Variants in CSMD1 observed in about 807,000 individuals in gnomAD.
CSMD1 encodes CUB and sushi domain-containing protein 1.
A neutral mutation model predicts 417.5 loss-of-function variants in CSMD1; 213 were observed. That is an observed-to-expected ratio of 0.51 (90% CI 0.46 to 0.57). CSMD1 has a LOEUF of 0.57. Among genes scored for constraint, CSMD1 ranks in the 20% least tolerant of loss-of-function variants. The pLI, the probability that CSMD1 is intolerant of heterozygous loss-of-function variation, is 0.00. For missense variants in CSMD1, 6,923 were observed against 4,529.7 expected (o/e 1.53, Z -15.17); for synonymous variants, 2,862 against 1,736.8 (o/e 1.65, Z -16.11).
chr8:4,207,485 T>C (rs755341164), intron 3 of CSMD1, among the ~76,000 whole-genome samples: 4 of 152,178 alleles, frequency 2.6e-5, no homozygotes, highest in Non-Finnish European at 5.9e-5. Context: ...CCGATTAAAA[T>C]GTCTTATTCA....
intron 17 of CSMD1, among the ~76,000 whole-genome samples, chr8:3,393,847 G>C (rs534251872): frequency 1.3e-5 from 2 of 151,204 alleles, no homozygotes; most frequent in East Asian, 3.9e-4. Context: ...TGTGGGGTGT[G>C]GGGAGGGGGC....
chr8:4,806,254 T>G (rs1440752435), intron 1 of CSMD1, among the ~76,000 whole-genome samples: 2 of 152,146 alleles, frequency 1.3e-5, no homozygotes, highest in Admixed American at 1.3e-4. Flanking sequence ...GATCATGCAG[T>G]GTGCACATGC....
At chr8:3,382,534 T>C (rs954767472) in intron 18 of CSMD1, among the ~76,000 whole-genome samples, 1 of 120,132 alleles carries the variant, frequency 8.3e-6, no homozygotes, top group African/African-American at 3.1e-5. Flanking sequence ...TATATAAATA[T>C]ATATTTATTA....
intron 5 of CSMD1, among the ~76,000 whole-genome samples, chr8:3,902,451 C>G (rs887231205): frequency 1.3e-5 from 2 of 150,842 alleles, no homozygotes; most frequent in Admixed American, 6.6e-5. Flanking sequence ...TCATGAAAGA[C>G]ATTTTTTTTT....
chr8:4,042,000 G>A (rs955058160), intron 3 of CSMD1, among the ~76,000 whole-genome samples: 25 of 152,028 alleles, frequency 1.6e-4, no homozygotes, highest in African/African-American at 5.8e-4. Flanking sequence ...CAAAAACAAA[G>A]CAAAACTAAG....
intron 11 of CSMD1, among the ~76,000 whole-genome samples, chr8:3,490,810 G>A (rs1201005175): frequency 5.3e-5 from 8 of 152,004 alleles, no homozygotes; most frequent in Admixed American, 5.2e-4. Flanking sequence ...TTAGAAGCTT[G>A]CCCAAAATAT....
At chr8:4,213,075 T>G (rs1314357402) in intron 3 of CSMD1, among the ~76,000 whole-genome samples, 1 of 152,130 alleles carries the variant, frequency 6.6e-6, no homozygotes, top group African/African-American at 2.4e-5. Flanking sequence ...AGCTAATGTC[T>G]AAGATGGAAG....
At chr8:3,297,526 C>T (rs886840749) in intron 25 of CSMD1, among the ~76,000 whole-genome samples, 15 of 152,034 alleles carry the variant, frequency 9.9e-5, no homozygotes, top group African/African-American at 1.9e-4. Flanking sequence ...ATCTAGTTGT[C>T]TCGTTAATTA....
intron 5 of CSMD1, among the ~76,000 whole-genome samples, chr8:3,815,686 T>A (rs1447310744): frequency 1.3e-5 from 2 of 151,746 alleles, no homozygotes; most frequent in Non-Finnish European, 2.9e-5. Flanking sequence ...CTCTTATCAA[T>A]GATGGTGACT....
At chr8:3,550,747 G>A (rs1204647739) in intron 10 of CSMD1, among the ~76,000 whole-genome samples, 4 of 152,134 alleles carry the variant, frequency 2.6e-5, no homozygotes, top group Non-Finnish European at 5.9e-5. Flanking sequence ...AAGCTTCATG[G>A]CCAACCAGGC....
chr8:4,162,346 G>C (rs373942819), intron 3 of CSMD1, among the ~76,000 whole-genome samples: 1 of 152,100 alleles, frequency 6.6e-6, no homozygotes. Context: ...AAAAGTGCTT[G>C]TTTTTAGGTA....
chr8:3,699,795 A>G (rs968635605), intron 7 of CSMD1, among the ~76,000 whole-genome samples: 15 of 152,200 alleles, frequency 9.9e-5, no homozygotes, highest in African/African-American at 3.6e-4. Context: ...GATGTGAAAT[A>G]TAAAAATCTA....
At chr8:4,679,027 G>A (rs1805867813) in intron 1 of CSMD1, among the ~76,000 whole-genome samples, 2 of 152,198 alleles carry the variant, frequency 1.3e-5, no homozygotes, top group African/African-American at 4.8e-5. Flanking sequence ...TGCCCAAGAT[G>A]GTTCATTGTT....
intron 23 of CSMD1, among the ~76,000 whole-genome samples, chr8:3,314,336 A>G (rs1196404824): frequency 6.6e-6 from 1 of 152,230 alleles, no homozygotes; most frequent in East Asian, 1.9e-4. Context: ...TTTCCATTTT[A>G]ATGTGAATTT....
intron 16 of CSMD1, among the ~76,000 whole-genome samples, chr8:3,398,649 G>C (rs940770710): frequency 2.0e-5 from 3 of 152,158 alleles, no homozygotes; most frequent in African/African-American, 4.8e-5. Context: ...ATGTTATGCA[G>C]AGAATAACCT....
intron 17 of CSMD1, among the ~76,000 whole-genome samples, chr8:3,392,722 A>C (rs563836453): frequency 6.6e-6 from 1 of 152,230 alleles, no homozygotes; most frequent in Admixed American, 6.5e-5. Context: ...TTGGGGCTGT[A>C]CAATTTACTA....
At chr8:4,464,648 G>C (rs534728289) in intron 2 of CSMD1, among the ~76,000 whole-genome samples, 24 of 152,198 alleles carry the variant, frequency 1.6e-4, no homozygotes, top group African/African-American at 5.8e-4. Flanking sequence ...TTGAACCATG[G>C]TAAGTCAGGG....
At chr8:3,517,449 T>C (rs576603899) in intron 10 of CSMD1, among the ~76,000 whole-genome samples, 6 of 152,274 alleles carry the variant, frequency 3.9e-5, no homozygotes, top group African/African-American at 1.2e-4. Context: ...ATGCATTGAT[T>C]TCCAAATTGC....
chr8:4,146,682 A>G (rs1804155317), intron 3 of CSMD1, among the ~76,000 whole-genome samples: 1 of 122,378 alleles, frequency 8.2e-6, no homozygotes, highest in Non-Finnish European at 1.6e-5. Flanking sequence ...TGTGATCTGG[A>G]CTCACTGCAA....
Sources: allele counts gnomAD v4.1 joint callset (sites outside exome capture counted in the v4.1 genomes callset), GRCh38; gene constraint gnomAD v4.1.1; transcripts MANE v1.5; gene names NCBI Gene and HGNC (gene_info 2026-07-23, HGNC 2026-07-21).